Variants in PHLPP1 observed in about 807,000 individuals in gnomAD.
PHLPP1 encodes the protein PH domain and leucine rich repeat protein phosphatase 1.
Under a neutral mutation model 117.2 loss-of-function variants are expected in PHLPP1, and 42 were observed. That is an observed-to-expected ratio of 0.36 (90% confidence interval 0.28 to 0.46). The LOEUF (loss-of-function observed/expected upper bound fraction) is 0.46. Ranked by LOEUF, PHLPP1 falls within the 20% of genes least tolerant of loss-of-function variation. PHLPP1 has a pLI of 1.00. For synonymous variants in PHLPP1, 1,042 were observed against 970.7 expected (o/e 1.07, Z -1.37); for missense variants, 2,084 against 2,241.9 (o/e 0.93, Z 1.42).
At chr18:62,947,381 G>A (rs936779557) in intron 12 of PHLPP1, among the ~76,000 whole-genome samples, 1 of 152,192 alleles carries the variant, frequency 6.6e-6, no homozygotes, top group Admixed American at 6.5e-5. Context: ...ATTATATAGA[G>A]CAACTATTTT....
chr18:62,843,765 T>G (rs903578419), intron 3 of PHLPP1, among the ~76,000 whole-genome samples: 1 of 152,186 alleles, frequency 6.6e-6, no homozygotes, highest in African/African-American at 2.4e-5. Flanking sequence ...GCATCCAGCA[T>G]GTTTTCAAAG....
intron 3 of PHLPP1, chr18:62,839,365 T>C (rs1408140526): frequency 6.3e-6 from 1 of 157,514 alleles, no homozygotes; most frequent in South Asian, 1.9e-4. Flanking sequence ...TTTTATCTTA[T>C]TTTGGCCATT....
chr18:62,740,636 T>C (rs1957034330), intron 1 of PHLPP1, among the ~76,000 whole-genome samples: 1 of 152,266 alleles, frequency 6.6e-6, no homozygotes, highest in Non-Finnish European at 1.5e-5. Flanking sequence ...TTTTAAATTA[T>C]GGTTATTGAA....
chr18:62,829,160 C>T (rs1568130287), intron 1 of PHLPP1, among the ~76,000 whole-genome samples: 1 of 151,964 alleles, frequency 6.6e-6, no homozygotes, highest in Non-Finnish European at 1.5e-5. Flanking sequence ...ATTGTAGGAC[C>T]CATTCTTCAT....
At chr18:62,975,325 C>G in intron 15 of PHLPP1, 72 bp from the exon 16 acceptor site, 1 of 1,000,536 alleles carries the variant, frequency 1.0e-6, no homozygotes, top group South Asian at 1.4e-5. Context: ...GTGGTGCGGT[C>G]TTGCTGTTGA....
At chr18:62,931,241 A>G (rs1458601030) in intron 10 of PHLPP1, among the ~76,000 whole-genome samples, 6 of 151,920 alleles carry the variant, frequency 3.9e-5, no homozygotes, top group African/African-American at 1.2e-4. Context: ...TGGAAACTAA[A>G]CAGTTTGGTC....
intron 1 of PHLPP1, among the ~76,000 whole-genome samples, chr18:62,754,295 A>G (rs1395435887): frequency 6.6e-6 from 1 of 152,204 alleles, no homozygotes; most frequent in Non-Finnish European, 1.5e-5. Context: ...GTTGTTGGGT[A>G]TGAATGTTGG....
At position 62,829,463 on chromosome 18, in the gene PHLPP1, A is replaced by T. The variant is rs1416634493; in HGVS notation, c.1577-572A>T. Among the ~76,000 whole-genome samples the T allele has an allele frequency of 3.9e-5, 6 of 152,332 alleles. 1 individual carries two copies. The East Asian group carries it at 9.7e-4, about 25-fold the overall frequency. Reference sequence around the variant, plus strand: ...TTGTGAAAGATAGGCAAGAAAATAAAACTCCAACCCAGGCGTGGTGGCTCA... The same window carrying T: ...TTGTGAAAGATAGGCAAGAAAATAATACTCCAACCCAGGCGTGGTGGCTCA... On this transcript the variant is annotated intron_variant, in intron 1 of 16. Transcript: ENST00000262719.
In PHLPP1 at chr18:62,945,326, T is replaced by C. The variant is rs1910249697; in HGVS notation, c.3324+55T>C. On this transcript the variant is annotated intron_variant, in intron 12 of 16. Coordinates refer to ENST00000262719, the MANE Select transcript of PHLPP1 (RefSeq NM_194449.4). ...CTTCAGGTCGGCAAAGAAAGTTGAC[T>C]TCCTAACTCATCAACTCAGGACGTT... The C allele has an allele frequency of 3.5e-6, 5 of 1,422,202 alleles. No individual in the cohort carries two copies. In the African/African-American group the frequency reaches 7.2e-5, roughly 21 times the overall value. The allele number at this position is 1,422,202 out of a possible 1,614,324, so 88.1% of individuals were successfully genotyped here.
chr18:62,877,024 G>A (rs1916064922), intron 4 of PHLPP1, among the ~76,000 whole-genome samples: 1 of 152,082 alleles, frequency 6.6e-6, no homozygotes, highest in African/African-American at 2.4e-5. Context: ...TAGAATGAAA[G>A]TATGAAGAAA....
chr18:62,881,487 T>C (rs1481783013), intron 4 of PHLPP1, among the ~76,000 whole-genome samples: 1 of 152,234 alleles, frequency 6.6e-6, no homozygotes, highest in African/African-American at 2.4e-5. Flanking sequence ...AAATTTTAAT[T>C]TTTACCTAAG....
Position 62,978,442 on chromosome 18 carries a change from G to T in PHLPP1, c.4165G>T (p.Val1389Leu), listed in dbSNP as rs374694579. ...GTCCGTCGAGGAGGCCGTGGAAGCC[G>T]TGCGCAACGTGCCCGATGCCCTGGC... ...SLSVEEAVEA[V>L]RNVPDALAAA... Residue 1389 changes from valine to leucine, a missense_variant, in exon 17 of 17, where the codon GTG (valine) becomes TTG (leucine). Transcript: ENST00000262719. The surrounding 1 kb of genome is among the most constrained non-coding windows in gnomAD (Gnocchi z 7.0). 13 of 1,611,096 alleles carry T rather than the reference G, an allele frequency of 8.1e-6. No homozygotes were observed. The highest frequency in any genetic ancestry group is 1.3e-5 in the African/African-American group (1 of 74,872).
chr18:62,744,342 T>A (rs1911615900), intron 1 of PHLPP1, among the ~76,000 whole-genome samples: 1 of 152,220 alleles, frequency 6.6e-6, no homozygotes, highest in African/African-American at 2.4e-5. Flanking sequence ...ATTACCTTTA[T>A]TTGTGTGGTG....
intron 1 of PHLPP1, among the ~76,000 whole-genome samples, chr18:62,808,374 G>A (rs1395712343): frequency 6.7e-6 from 1 of 149,420 alleles, no homozygotes; most frequent in Non-Finnish European, 1.5e-5. Context: ...AGACTGGGCT[G>A]GAGATAGAAA....
intron 1 of PHLPP1, among the ~76,000 whole-genome samples, chr18:62,817,135 C>T (rs146763520): frequency 2.2e-4 from 34 of 152,148 alleles, no homozygotes; most frequent in Non-Finnish European, 4.1e-4. Context: ...TAGAGATGGA[C>T]GTCTCACTGT....
Position 62,716,074 on chromosome 18 carries a change from T to TCCGCGGCCG in PHLPP1, c.403_411dup (p.Ala135_Ala137dup), listed in dbSNP as rs755438608. On this transcript the variant is annotated inframe_insertion, in exon 1 of 17. Transcript: ENST00000262719. The surrounding 1 kb of genome is among the most constrained non-coding windows in gnomAD (Gnocchi z 5.7). ...GAGAGGGCGGCTGAAGAGGAATCTG[T>TCCGCGGCCG]CCGCGGCCGCCGCGGCCGCCTCCTC... The TCCGCGGCCG allele has an allele frequency of 1.3e-6, 2 of 1,486,724 alleles. No individual in the cohort carries two copies. Among genetic ancestry groups the TCCGCGGCCG allele is most frequent in the East Asian group, 5.4e-5 (2 of 37,114 alleles). 92.1% of individuals were successfully genotyped at this position (1,486,724 alleles called of 1,614,324 possible).
chr18:62,886,475 A>G (rs1916293280), intron 4 of PHLPP1, among the ~76,000 whole-genome samples: 1 of 152,034 alleles, frequency 6.6e-6, no homozygotes, highest in African/African-American at 2.4e-5. Context: ...GGATCTTGCT[A>G]TGTTGCCCAC....
rs1384376083 is a variant in PHLPP1, at chr18:62,716,137, C to G, written c.454C>G (p.Pro152Ala). Residue 152 changes from proline to alanine, a missense_variant, in exon 1 of 17, where the codon CCC (proline) becomes GCC (alanine). Physicochemically the swap from Pro to Ala is conservative, Grantham distance 27 (BLOSUM62 -1). Transcript: ENST00000262719. This position sits in a 1 kb window ranked among gnomAD's most constrained non-coding sequence, Gnocchi z 5.7. ...CTCGGCCGCTGCTGCCTCGCACTCCCCCGGCGCTGCCGGCCTCCCCGCCTC... is the reference window on the plus strand; with the variant it reads ...CTCGGCCGCTGCTGCCTCGCACTCCGCCGGCGCTGCCGGCCTCCCCGCCTC... ...SSSAAAASHS[P>A]GAAGLPASCS... 1 of 1,518,244 alleles carries G rather than the reference C, an allele frequency of 6.6e-7. No individual in the cohort carries two copies. The highest frequency in any genetic ancestry group is 8.8e-7 in the Non-Finnish European group (1 of 1,139,356). 94.0% of individuals were successfully genotyped at this position (1,518,244 alleles called of 1,614,324 possible).
chr18:62,724,082 A>G lies in PHLPP1; in HGVS notation c.1576+6823A>G, dbSNP rs1170153313. 2.0e-5 allele frequency among the ~76,000 whole-genome samples: 3 copies of G among 152,206 alleles called. No individual in the cohort carries two copies. The East Asian group carries it at 5.8e-4, about 29-fold the overall frequency. ...AAGTCAGCTGGAGGTTGCCAACCAA[A>G]CAAAGCAGACCTCCTCTTTGGTGTA... On this transcript the variant is annotated intron_variant, in intron 1 of 16. Coordinates refer to ENST00000262719, the MANE Select transcript of PHLPP1 (RefSeq NM_194449.4).
Sources: allele counts gnomAD v4.1 joint callset (sites outside exome capture counted in the v4.1 genomes callset), GRCh38; gene constraint gnomAD v4.1.1; non-coding constraint Gnocchi (gnomAD v3.1); transcripts MANE v1.5; gene names NCBI Gene and HGNC (gene_info 2026-07-23, HGNC 2026-07-21).